Variants in PRIM2 observed in about 807,000 individuals in gnomAD.
PRIM2 encodes the protein DNA primase subunit 2, also known as DNA primase large subunit.
A neutral mutation model predicts 67.3 loss-of-function variants in PRIM2; 39 were observed. That is an observed-to-expected ratio of 0.58 (90% CI 0.45 to 0.76). The LOEUF is 0.76. PRIM2 is among the 30% of genes least tolerant of loss of function. PRIM2 has a pLI of 0.00. For synonymous variants in PRIM2, 143 were observed against 198.7 expected (o/e 0.72, Z 2.36); for missense variants, 398 against 598.7 (o/e 0.66, Z 3.50).
In PRIM2 at chr6:57,355,316, AAAT is replaced by A. The variant is rs1234861384; in HGVS notation, c.460-24582_460-24580del. ...GACTCTGTCTCAAAAAAAAAAAAAA[AAAT>A]AAGTAAATAAAAAAGAGGAAAAAAA... On this transcript the variant is annotated intron_variant, in intron 5 of 13. Transcript: ENST00000615550. 1.9e-3 allele frequency among the ~76,000 whole-genome samples: 294 copies of A among 151,270 alleles called. 3 individuals are homozygous for A. The highest frequency in any genetic ancestry group is 6.3e-3 in the African/African-American group (261 of 41,184).
intron 7 of PRIM2, among the ~76,000 whole-genome samples, chr6:57,414,651 G>A (rs1156905226): frequency 6.6e-6 from 1 of 152,080 alleles, no homozygotes. Context: ...GATGGTAGTA[G>A]CGGATGAAAC....
chr6:57,310,434 C>T (rs1269747637), upstream of PRIM2, among the ~76,000 whole-genome samples: 1 of 152,230 alleles, frequency 6.6e-6, no homozygotes, highest in Admixed American at 6.5e-5. Flanking sequence ...AAAATGGAGT[C>T]TCCTATGTCT....
the PRIM2 span, among the ~76,000 whole-genome samples, chr6:57,285,032 A>G: frequency 5.9e-5 from 9 of 152,250 alleles, no homozygotes; most frequent in Non-Finnish European, 1.2e-4. Context: ...GAAGAAATCG[A>G]TAATTTCCTG....
chr6:57,393,667 T>C (rs1770433127), intron 7 of PRIM2, among the ~76,000 whole-genome samples: 2 of 152,154 alleles, frequency 1.3e-5, no homozygotes, highest in Admixed American at 1.3e-4. Flanking sequence ...TTAGTTTAAG[T>C]AGGTCCCAGC....
At chr6:57,274,035 C>T in the PRIM2 span, among the ~76,000 whole-genome samples, 1 of 152,206 alleles carries the variant, frequency 6.6e-6, no homozygotes, top group Non-Finnish European at 1.5e-5. Context: ...CAGTCCGCCC[C>T]TACTGGGGGG....
rs1411647749 is a variant in PRIM2 at position 57,471,082 on chromosome 6, G to A, written c.694-36305G>A. Among the ~76,000 whole-genome samples the A allele has an allele frequency of 1.1e-4, 16 of 151,616 alleles. No homozygotes were observed. In the South Asian group the frequency reaches 2.7e-3, roughly 26 times the overall value. ...CAGATTTATAATGTTAGATATTAGG[G>A]ATACTTATTTTTTTTTTTCCATCCA... On this transcript the variant is annotated intron_variant, in intron 7 of 13. Coordinates refer to ENST00000615550, the MANE Select transcript of PRIM2 (RefSeq NM_000947.5).
intron 10 of PRIM2, among the ~76,000 whole-genome samples, chr6:57,541,194 C>G (rs1775141693): frequency 6.6e-6 from 1 of 152,192 alleles, no homozygotes; most frequent in Non-Finnish European, 1.5e-5. Context: ...ATAATGTAAA[C>G]TTACGGTATC....
At position 57,646,154 on chromosome 6, in the gene PRIM2, C is replaced by G. The variant is rs1395475498; in HGVS notation, c.1526C>G (p.Ser509Cys). 1 of 1,574,842 alleles carries G rather than the reference C, an allele frequency of 6.3e-7. No individual in the cohort carries two copies. Among genetic ancestry groups the G allele is most frequent in the Non-Finnish European group, 8.7e-7 (1 of 1,145,468 alleles). Residue 509 changes from serine to cysteine, a missense_variant, in exon 14 of 14, where the codon TCT becomes TGT. By Grantham distance (112) the Ser-to-Cys change is moderately radical. Transcript: ENST00000615550. ...CTAGAAGATTACTTTAGTGAAGATT[C>G]TTAGGCAGTTTTATAACCCTTTTTC... ...EGLEDYFSED[S>C]
Position 57,646,273 on chromosome 6 carries a change from C to A in PRIM2, c.*115C>A. 1.6e-6 allele frequency: 1 copy of A among 632,910 alleles called. No individual in the cohort carries two copies. The allele number at this position is 632,910 out of a possible 1,614,324, so 39.2% of individuals were successfully genotyped here. On this transcript the variant is annotated 3_prime_UTR_variant, in exon 14 of 14. Transcript: ENST00000615550. ...AAGGCTTAGTGCAGTGACACAATTA[C>A]AGCTGATTGCAGCCTTGACCTTCCC...
chr6:57,621,543 G>A (rs1319370240), intron 12 of PRIM2, among the ~76,000 whole-genome samples: 3 of 151,874 alleles, frequency 2.0e-5, no homozygotes, highest in African/African-American at 4.8e-5. Context: ...ATGTATAACA[G>A]TTTTTAATAT....
intron 7 of PRIM2, among the ~76,000 whole-genome samples, chr6:57,408,163 CA>C (rs1770963462): frequency 2.0e-5 from 3 of 152,142 alleles, no homozygotes; most frequent in African/African-American, 7.2e-5. Context: ...GGAAGAACAC[CA>C]GGGCTCTTGT....
chr6:57,432,526 G>T (rs954544943), intron 7 of PRIM2, among the ~76,000 whole-genome samples: 1 of 126,274 alleles, frequency 7.9e-6, no homozygotes, highest in African/African-American at 3.3e-5. Flanking sequence ...CAATTAGCAA[G>T]TGAAGTGTTT....
At chr6:57,319,137 A>C (rs2127267573) in intron 2 of PRIM2, among the ~76,000 whole-genome samples, 1 of 152,340 alleles carries the variant, frequency 6.6e-6, no homozygotes, top group Non-Finnish European at 1.5e-5. Context: ...AGCATGAAAG[A>C]GAATTTCATA....
the PRIM2 span, among the ~76,000 whole-genome samples, chr6:57,265,493 AT>A: frequency 6.6e-6 from 1 of 152,116 alleles, no homozygotes; most frequent in Non-Finnish European, 1.5e-5. Context: ...GGTTTGGGTT[AT>A]TTTTCCATAC....
intron 13 of PRIM2, among the ~76,000 whole-genome samples, chr6:57,644,950 T>G (rs1777309420): frequency 1.3e-5 from 2 of 152,124 alleles, no homozygotes; most frequent in Non-Finnish European, 2.9e-5. Context: ...AATGATAGTA[T>G]TTGAGAAAAA....
At chr6:57,249,042 C>A in the PRIM2 span, among the ~76,000 whole-genome samples, 1 of 152,304 alleles carries the variant, frequency 6.6e-6, no homozygotes, top group East Asian at 1.9e-4. Flanking sequence ...CGTTAATATA[C>A]TGGGGAAACA....
At chr6:57,430,044 T>C (rs1344115257) in intron 7 of PRIM2, among the ~76,000 whole-genome samples, 1 of 152,136 alleles carries the variant, frequency 6.6e-6, no homozygotes, top group Non-Finnish European at 1.5e-5. Context: ...GGCTAGGAAG[T>C]TGAAATTGGG....
chr6:57,316,114 T>A (rs1435471860), upstream of PRIM2, among the ~76,000 whole-genome samples: 1 of 152,238 alleles, frequency 6.6e-6, no homozygotes, highest in African/African-American at 2.4e-5. Flanking sequence ...TTTTGTGTCC[T>A]TTTGACTTCA....
chr6:57,308,083 A>G, the PRIM2 span, among the ~76,000 whole-genome samples: 1 of 151,794 alleles, frequency 6.6e-6, no homozygotes, highest in Non-Finnish European at 1.5e-5. Flanking sequence ...AAAAAATTCC[A>G]TTGTATGAAT....
Sources: gnomAD v4.1 joint callset for allele counts (sites outside exome capture counted in the v4.1 genomes callset) on GRCh38, gnomAD v4.1.1 for gene constraint, MANE v1.5 for transcripts, NCBI Gene and HGNC (gene_info 2026-07-23, HGNC 2026-07-21) for gene names.